SMG7: variants seen among roughly 807,000 people sequenced by gnomAD.
SMG7 encodes the protein SMG7 nonsense mediated mRNA decay factor.
SMG7 carries 34 observed loss-of-function variants against 148.2 expected under a neutral mutation model. The observed-to-expected ratio is 0.23, with a 90% CI of 0.17 to 0.31. The LOEUF (loss-of-function observed/expected upper bound fraction) is 0.31, where lower values mean the gene tolerates loss of function less well. Ranked by LOEUF, SMG7 falls within the 10% of genes least tolerant of loss-of-function variation. The pLI is 1.00. For synonymous variants in SMG7, 492 were observed against 515.1 expected, an observed-to-expected ratio of 0.96 and a Z score of 0.61; for missense variants, 1,114 against 1,408.4, an observed-to-expected ratio of 0.79 and a Z score of 3.35.
chr1:183,552,416 A>G lies in SMG7; in HGVS notation c.*485A>G. The stretch of plus-strand genomic sequence containing the variant: ...TTTTATTATTATTACTCTCAGTAGT[A>G]AAATATCACACTGAATTCTTCCATA... On this transcript the variant is annotated 3_prime_UTR_variant, in exon 23 of 23. Transcript: ENST00000688051. The G allele has an allele frequency of 1.0e-6, 1 of 990,078 alleles. No individual in the cohort carries two copies. The highest frequency in any genetic ancestry group is 1.2e-6 in the Non-Finnish European group (1 of 832,588). 61.3% of individuals were successfully genotyped at this position (990,078 alleles called of 1,614,324 possible). A position where few individuals can be genotyped will look rare whatever the true frequency, so the allele number is the denominator to read the frequency against.
intron 1 of SMG7, among the ~76,000 whole-genome samples, chr1:183,480,077 G>A (rs1471736014): frequency 6.6e-6 from 1 of 152,162 alleles, no homozygotes; most frequent in African/African-American, 2.4e-5. Context: ...TTTGGTGGCT[G>A]CTGTAGGCCT....
rs1443551970 is a variant in SMG7, at chr1:183,498,489, G to T, written c.30-14348G>T. On this transcript the variant is annotated intron_variant, in intron 1 of 22. Coordinates refer to ENST00000688051, the MANE Select transcript of SMG7 (RefSeq NM_001375584.1). Reference sequence around the variant, plus strand: ...GGCATGATTGTACCACTGCACTCCAGTCTGGGCAATAGAGTTTAAAACAAA... The same window carrying T: ...GGCATGATTGTACCACTGCACTCCATTCTGGGCAATAGAGTTTAAAACAAA... 1.1e-3 allele frequency among the ~76,000 whole-genome samples: 171 copies of T among 152,326 alleles called. 1 individual carries two copies. The highest frequency in any genetic ancestry group is 5.9e-5 in the Non-Finnish European group (4 of 68,024).
At chr1:183,526,790 T>C in intron 5 of SMG7, 23 bp downstream of exon 5, 2 of 1,584,758 alleles carry the variant, frequency 1.3e-6, no homozygotes, top group African/African-American at 2.7e-5. Context: ...TGTGAAGGAA[T>C]TGATAATATG....
chr1:183,550,937 C>T lies in SMG7; in HGVS notation c.3304+16C>T, dbSNP rs769082017. The T allele has an allele frequency of 1.2e-6, 2 of 1,613,974 alleles. No homozygotes were observed. The highest frequency in any genetic ancestry group is 2.2e-5 in the South Asian group (2 of 91,074). The stretch of plus-strand genomic sequence containing the variant: ...GATAAGCCAGGTGAGATCTACATTT[C>T]ATTGCCAGGCAAAATTGAAAGAATT... On this transcript the variant is annotated intron_variant, in intron 21 of 22. Transcript: ENST00000688051.
At chr1:183,475,289 A>G (rs1651875391) in intron 1 of SMG7, among the ~76,000 whole-genome samples, 1 of 152,214 alleles carries the variant, frequency 6.6e-6, no homozygotes, top group African/African-American at 2.4e-5. Context: ...GCAGTTAAAT[A>G]TATATCAGGT....
rs764737499 is a variant in SMG7 at position 183,546,041 on chromosome 1, G to A, written c.2446G>A (p.Val816Met). The stretch of plus-strand genomic sequence containing the variant: ...AGGCCCATTAGGGAAAATTATGCCT[G>A]TGAAACAGCCCTACTACCTTCAGAC... ...VQGPLGKIMPVKQPYYLQTQD... is the reference protein window; with the variant it reads ...VQGPLGKIMPMKQPYYLQTQD... Residue 816 changes from valine to methionine, a missense_variant, in exon 17 of 23, where the codon GTG (valine) becomes ATG (methionine). Physicochemically the swap from Val to Met is conservative, Grantham distance 21. Transcript: ENST00000688051. 1.4e-5 allele frequency: 22 copies of A among 1,613,810 alleles called. No individual in the cohort carries two copies. The highest frequency in any genetic ancestry group is 1.6e-5 in the Non-Finnish European group (19 of 1,179,956).
chr1:183,478,396 A>T (rs1209514166), intron 1 of SMG7, among the ~76,000 whole-genome samples: 1 of 152,184 alleles, frequency 6.6e-6, no homozygotes, highest in East Asian at 1.9e-4. Context: ...AGTCTTTGTT[A>T]TAACAGTGTT....
chr1:183,477,856 ATGTATAG>A (rs929674633), intron 1 of SMG7, among the ~76,000 whole-genome samples: 1 of 152,156 alleles, frequency 6.6e-6, no homozygotes, highest in Non-Finnish European at 1.5e-5. Flanking sequence ...TGTATGATAC[ATGTATAG>A]TGAAGACGCT....
In SMG7 at chr1:183,551,163, C is replaced by T. The variant is rs778051879; in HGVS notation, c.3423C>T (p.Ser1141=). ...GCCATGGCCCTTCCATGGAGGATTC[C>T]TCTGCTGTCCTCATGGAAAGCCTAA... ...WTGHGPSMED[S]SAVLMESLKS... Residue 1141 remains serine, a synonymous_variant, in exon 22 of 23, where the codon TCC becomes TCT. Coordinates refer to ENST00000688051, the MANE Select transcript of SMG7 (RefSeq NM_001375584.1). The T allele has an allele frequency of 3.8e-6, 6 of 1,580,754 alleles. No individual in the cohort carries two copies. The South Asian group carries it at 4.7e-5, about 12-fold the overall frequency.
intron 4 of SMG7, among the ~76,000 whole-genome samples, chr1:183,520,688 G>C (rs951880873): frequency 5.9e-5 from 9 of 152,086 alleles, no homozygotes; most frequent in Non-Finnish European, 1.3e-4. Context: ...CTTGAAAAAT[G>C]ATTCTTAATC....
intron 1 of SMG7, among the ~76,000 whole-genome samples, chr1:183,493,028 G>T (rs1326532804): frequency 6.6e-6 from 1 of 152,050 alleles, no homozygotes; most frequent in Non-Finnish European, 1.5e-5. Context: ...TTGTGCAGTG[G>T]TACAATCATA....
intron 1 of SMG7, among the ~76,000 whole-genome samples, chr1:183,486,974 C>T (rs1000511982): frequency 2.0e-5 from 3 of 152,192 alleles, no homozygotes; most frequent in Non-Finnish European, 4.4e-5. Context: ...TTGAAGAATA[C>T]AGGAGTTTAT....
At position 183,527,692 on chromosome 1, in the gene SMG7, G is replaced by A; in HGVS notation, c.485-264G>A. On this transcript the variant is annotated intron_variant, in intron 5 of 22. Transcript: ENST00000688051. This position sits in a 1 kb window ranked among gnomAD's most constrained non-coding sequence, Gnocchi z 4.0. ...ACCAGCATAGTCCATAGTGGGAGCT[G>A]GTGATGCATGACACTGGAGGACCTG... 1.9e-6 allele frequency: 1 copy of A among 522,256 alleles called. No individual in the cohort carries two copies. Among genetic ancestry groups the A allele is most frequent in the Non-Finnish European group, 3.8e-6 (1 of 260,646 alleles). 32.4% of individuals were successfully genotyped at this position (522,256 alleles called of 1,614,324 possible).
intron 1 of SMG7, among the ~76,000 whole-genome samples, chr1:183,497,802 C>T (rs1658866626): frequency 6.6e-6 from 1 of 152,114 alleles, no homozygotes; most frequent in Non-Finnish European, 1.5e-5. Flanking sequence ...AACTCCTGAC[C>T]TCATGATCCC....
intron 11 of SMG7, 46 bp downstream of exon 11, chr1:183,537,261 T>A: frequency 7.4e-7 from 1 of 1,354,832 alleles, no homozygotes; most frequent in Non-Finnish European, 1.1e-6. Context: ...TTCTCCATCA[T>A]TAATGGTGGC....
chr1:183,502,334 C>A, intron 1 of SMG7: 1 of 1,534,362 alleles, frequency 6.5e-7, no homozygotes, highest in Non-Finnish European at 8.7e-7. Flanking sequence ...TCATTTAAGT[C>A]CCAGATGAGG....
chr1:183,552,873 C>A lies in SMG7; in HGVS notation c.*942C>A. ...TTTGGTTGGTTTTTGTGCCCCCATTCTACTTCCCACCCTCCTGCCCCATCT... is the reference window on the plus strand; with the variant it reads ...TTTGGTTGGTTTTTGTGCCCCCATTATACTTCCCACCCTCCTGCCCCATCT... On this transcript the variant is annotated 3_prime_UTR_variant, in exon 23 of 23. Transcript: ENST00000688051. 1 of 1,440,130 alleles carries A rather than the reference C, an allele frequency of 6.9e-7. No homozygotes were observed. The highest frequency in any genetic ancestry group is 9.1e-7 in the Non-Finnish European group (1 of 1,101,498). The allele number at this position is 1,440,130 out of a possible 1,614,324, so 89.2% of individuals were successfully genotyped here.
At chr1:183,506,928 G>T (rs1661054137) in intron 1 of SMG7, among the ~76,000 whole-genome samples, 2 of 147,740 alleles carry the variant, frequency 1.4e-5, no homozygotes, top group South Asian at 4.3e-4. Flanking sequence ...ACCTAGGCTG[G>T]AGTGCAGTGG....
Position 183,491,435 on chromosome 1 carries a change from G to A in SMG7, c.29+18786G>A, listed in dbSNP as rs190796635. Among the ~76,000 whole-genome samples the A allele has an allele frequency of 2.6e-4, 39 of 152,122 alleles. No homozygotes were observed. In the East Asian group the frequency reaches 2.7e-3, roughly 11 times the overall value. ...TGTCTAAGTCTTTTTGTGTACATGT[G>A]TTTTCATTTCTCTTGGTTTGCATGT... On this transcript the variant is annotated intron_variant, in intron 1 of 22. Coordinates refer to ENST00000688051, the MANE Select transcript of SMG7 (RefSeq NM_001375584.1).
Sources: allele counts gnomAD v4.1 joint callset (sites outside exome capture counted in the v4.1 genomes callset), GRCh38; gene constraint gnomAD v4.1.1; non-coding constraint Gnocchi (gnomAD v3.1); transcripts MANE v1.5; gene names NCBI Gene and HGNC (gene_info 2026-07-23, HGNC 2026-07-21).